Variants in MORC1 observed in about 807,000 individuals in gnomAD.
The protein encoded by MORC1 is MORC family CW-type zinc finger 1, also known as MORC family CW-type zinc finger protein 1.
MORC1 carries 59 observed loss-of-function variants against 134.9 expected under a neutral mutation model. The observed-to-expected ratio is 0.44, with a 90% CI of 0.35 to 0.54. The LOEUF (loss-of-function observed/expected upper bound fraction) is 0.54. MORC1 is among the 20% of genes least tolerant of loss of function. MORC1 has a pLI of 0.00. For missense variants in MORC1, 947 were observed against 1,134.5 expected (o/e 0.83, Z 2.37); for synonymous variants, 395 against 391.7 (o/e 1.01, Z -0.10).
chr3:109,108,593 T>C (rs2107796989), intron 3 of MORC1, among the ~76,000 whole-genome samples: 2 of 151,522 alleles, frequency 1.3e-5, no homozygotes, highest in East Asian at 3.9e-4. Flanking sequence ...ATGAGTATCT[T>C]TCTTTAAAAA....
intron 16 of MORC1, among the ~76,000 whole-genome samples, chr3:109,030,440 G>A (rs965245332): frequency 1.3e-5 from 2 of 152,006 alleles, no homozygotes; most frequent in African/African-American, 4.8e-5. Context: ...CACTGTTAAG[G>A]AGCTCCCATG....
At chr3:109,109,545 C>T (rs1951116565) in intron 3 of MORC1, among the ~76,000 whole-genome samples, 1 of 152,172 alleles carries the variant, frequency 6.6e-6, no homozygotes, top group African/African-American at 2.4e-5. Flanking sequence ...TCTTCTTTCC[C>T]TGTGTTCCCA....
At chr3:109,116,603 T>G (rs938525548) in intron 1 of MORC1, among the ~76,000 whole-genome samples, 1 of 151,972 alleles carries the variant, frequency 6.6e-6, no homozygotes, top group African/African-American at 2.4e-5. Context: ...AGACCCCATC[T>G]CTACTAAAAA....
chr3:109,038,328 C>A (rs941158911), intron 14 of MORC1, among the ~76,000 whole-genome samples: 1 of 146,864 alleles, frequency 6.8e-6, no homozygotes, highest in African/African-American at 2.5e-5. Flanking sequence ...TTTGTAGATT[C>A]TGATATTAGT....
chr3:109,077,049 G>A (rs2107725011), intron 8 of MORC1, among the ~76,000 whole-genome samples: 1 of 151,474 alleles, frequency 6.6e-6, no homozygotes, highest in East Asian at 1.9e-4. Flanking sequence ...ACAATAATTT[G>A]GTAATCACAT....
At chr3:109,031,488 A>G (rs1389268395) in intron 16 of MORC1, among the ~76,000 whole-genome samples, 1 of 152,148 alleles carries the variant, frequency 6.6e-6, no homozygotes, top group Non-Finnish European at 1.5e-5. Flanking sequence ...AGTTCATGGT[A>G]AGTTCATATG....
chr3:109,008,272 C>G (rs1211062117), intron 17 of MORC1, among the ~76,000 whole-genome samples: 1 of 152,040 alleles, frequency 6.6e-6, no homozygotes, highest in Non-Finnish European at 1.5e-5. Flanking sequence ...TAATCAATTT[C>G]CAAAAGTGAC....
intron 14 of MORC1, among the ~76,000 whole-genome samples, chr3:109,047,260 A>G (rs1035098560): frequency 6.6e-6 from 1 of 152,174 alleles, no homozygotes; most frequent in Non-Finnish European, 1.5e-5. Flanking sequence ...CAGGCTGATG[A>G]GGAGAGTTTT....
intron 15 of MORC1, among the ~76,000 whole-genome samples, chr3:109,034,603 C>T (rs1949329627): frequency 6.6e-6 from 1 of 152,080 alleles, no homozygotes; most frequent in South Asian, 2.1e-4. Context: ...TAAATTCCTA[C>T]TATGTATTAA....
At chr3:109,069,431 C>T (rs540777400) in intron 9 of MORC1, among the ~76,000 whole-genome samples, 1 of 152,314 alleles carries the variant, frequency 6.6e-6, no homozygotes, top group East Asian at 1.9e-4. Flanking sequence ...AGCATGCTCA[C>T]TGCAGTATGT....
chr3:109,091,296 T>C, intron 8 of MORC1, among the ~76,000 whole-genome samples: 1 of 151,040 alleles, frequency 6.6e-6, no homozygotes, highest in Admixed American at 6.6e-5. Context: ...TACAAAAAAT[T>C]AGCCGGGCAG....
At chr3:109,079,328 T>A (rs1211493428) in intron 8 of MORC1, among the ~76,000 whole-genome samples, 2 of 151,768 alleles carry the variant, frequency 1.3e-5, no homozygotes, top group Admixed American at 1.3e-4. Flanking sequence ...AACTCTCTCA[T>A]AATAAAACAC....
At chr3:109,099,303 G>A in intron 6 of MORC1, 55 bp downstream of exon 6, 1 of 1,272,050 alleles carries the variant, frequency 7.9e-7, no homozygotes, top group Non-Finnish European at 1.1e-6. Context: ...TCCTGAGAGA[G>A]TAAATGAAAG....
chr3:109,113,288 T>C (rs1168759917), intron 2 of MORC1, among the ~76,000 whole-genome samples: 6 of 152,246 alleles, frequency 3.9e-5, no homozygotes, highest in Non-Finnish European at 4.4e-5. Context: ...AACAAGACTT[T>C]ATTCTTTTTC....
chr3:109,114,966 T>A (rs915544444), intron 1 of MORC1, among the ~76,000 whole-genome samples: 3 of 152,206 alleles, frequency 2.0e-5, no homozygotes, highest in African/African-American at 7.2e-5. Context: ...ACCTTAAAAA[T>A]GGCCTCAGGT....
intron 8 of MORC1, among the ~76,000 whole-genome samples, chr3:109,080,966 T>C (rs1950509334): frequency 6.6e-6 from 1 of 152,140 alleles, no homozygotes; most frequent in Non-Finnish European, 1.5e-5. Context: ...GGCTGAACTA[T>C]TTCATAAATA....
chr3:109,056,104 G>C (rs1034551001), intron 13 of MORC1, among the ~76,000 whole-genome samples: 3 of 152,200 alleles, frequency 2.0e-5, no homozygotes, highest in African/African-American at 7.2e-5. Context: ...AGAGAGGGTA[G>C]GGTATTAGTA....
rs770484120 is a variant in MORC1 at position 108,959,021 on chromosome 3, T to C, written c.2899A>G (p.Ile967Val). The C allele has an allele frequency of 1.3e-6, 2 of 1,552,178 alleles. No individual in the cohort carries two copies. The highest frequency in any genetic ancestry group is 8.7e-7 in the Non-Finnish European group (1 of 1,149,704). Reference protein sequence around the residue: ...LFQNNLNKVTIDARHRLPLEK... With the variant: ...LFQNNLNKVTVDARHRLPLEK... ...AAAGGGAGTCTATGTCTTGCATCTA[T>C]AGTTACTTTATTTAAATTGTTCTGG... Residue 967 changes from isoleucine to valine, a missense_variant, in exon 28 of 28, where the codon ATA becomes GTA. Ile to Val is a conservative substitution (Grantham distance 29). Around this residue, in one of 3 missense-constraint regions of MORC1, gnomAD observed 722 missense variants for 817.0 expected, o/e 0.88. Transcript: ENST00000232603.
At chr3:109,058,778 G>A (rs1475192453) in intron 12 of MORC1, among the ~76,000 whole-genome samples, 1 of 151,898 alleles carries the variant, frequency 6.6e-6, no homozygotes, top group Non-Finnish European at 1.5e-5. Flanking sequence ...TACAGGATAC[G>A]ACATAGTCAC....
Sources: gnomAD v4.1 joint callset for allele counts (sites outside exome capture counted in the v4.1 genomes callset) on GRCh38, gnomAD v4.1.1 for gene constraint, gnomAD v4.1.1 regional missense constraint, MANE v1.5 for transcripts, NCBI Gene and HGNC (gene_info 2026-07-23, HGNC 2026-07-21) for gene names.